The following JMJD1C variants were observed in gnomAD, a reference collection of about 807,000 sequenced individuals.
JMJD1C encodes the protein jumonji domain containing 1C, also known as jumonji domain-containing protein 1C.
Under a neutral mutation model 245.3 loss-of-function variants are expected in JMJD1C, and 31 were observed. That is an observed-to-expected ratio of 0.13 (90% CI 0.09 to 0.17). JMJD1C has a LOEUF of 0.17. JMJD1C is among the 10% of genes least tolerant of loss of function. The pLI, the probability that JMJD1C is intolerant of heterozygous loss-of-function variation, is 1.00. For missense variants in JMJD1C, 2,691 were observed against 3,000.2 expected (o/e 0.90, Z 2.41); for synonymous variants, 1,057 against 1,017.4 (o/e 1.04, Z -0.74).
chr10:63,253,213 T>C (rs562601868), intron 3 of JMJD1C, among the ~76,000 whole-genome samples: 5 of 152,214 alleles, frequency 3.3e-5, no homozygotes, highest in African/African-American at 7.2e-5. Context: ...AGGACAGATA[T>C]ATAGACCAAG....
At chr10:63,263,797 T>C (rs183761357) in intron 3 of JMJD1C, among the ~76,000 whole-genome samples, 155 of 151,808 alleles carry the variant, frequency 1.0e-3, no homozygotes, top group African/African-American at 3.7e-3. Flanking sequence ...CTGGGCGTGG[T>C]GGTGTGTGCC....
intron 22 of JMJD1C, 82 bp downstream of exon 22, chr10:63,183,365 C>T: frequency 7.8e-7 from 1 of 1,274,292 alleles, no homozygotes; most frequent in South Asian, 1.5e-5. Flanking sequence ...GCTGTTAACT[C>T]AGAAGCTGAT....
At chr10:63,263,949 A>T (rs867189493) in intron 3 of JMJD1C, among the ~76,000 whole-genome samples, 3 of 119,162 alleles carry the variant, frequency 2.5e-5, no homozygotes, top group Admixed American at 9.5e-5. Flanking sequence ...AAAAAAAAAA[A>T]AAATACACAT....
At chr10:63,481,281 T>C (rs1185246224) in intron 1 of JMJD1C, among the ~76,000 whole-genome samples, 1 of 152,206 alleles carries the variant, frequency 6.6e-6, no homozygotes, top group African/African-American at 2.4e-5. Flanking sequence ...ATTGATCCCT[T>C]ATAGTTTTTT....
rs1435000263 is a variant in JMJD1C at position 63,167,741 on chromosome 10, TTTTA to T, written c.*300_*303del. On this transcript the variant is annotated 3_prime_UTR_variant, in exon 26 of 26. Coordinates refer to ENST00000399262, the MANE Select transcript of JMJD1C (RefSeq NM_032776.3). ...TTGATCAACAATATAGCATAGAATT[TTTTA>T]TTTTTTACCAAAAATAAATACATCA... is the stretch of plus-strand genomic sequence containing the variant. 4 of 213,086 alleles carry T rather than the reference TTTTA, an allele frequency of 1.9e-5. No individual in the cohort carries two copies. The highest frequency in any genetic ancestry group is 3.8e-5 in the Non-Finnish European group (4 of 106,514). 13.2% of individuals were successfully genotyped at this position (213,086 alleles called of 1,614,324 possible).
In JMJD1C at chr10:63,357,385, A is replaced by C. The variant is rs946722797; in HGVS notation, c.333+22933T>G. Among the ~76,000 whole-genome samples, 4 of 152,168 alleles carry C rather than the reference A, an allele frequency of 2.6e-5. No homozygotes were observed. In the South Asian group the frequency reaches 8.3e-4, roughly 32 times the overall value. ...CAATGGCACAATACTGGCTCACAGCAACCTACGCCTCCCAGGTTCAAGCGA... is the reference window on the plus strand; with the variant it reads ...CAATGGCACAATACTGGCTCACAGCCACCTACGCCTCCCAGGTTCAAGCGA... On this transcript the variant is annotated intron_variant, in intron 2 of 25. Coordinates refer to ENST00000399262, the MANE Select transcript of JMJD1C (RefSeq NM_032776.3).
At chr10:63,247,632 T>C (rs1433781446) in intron 3 of JMJD1C, among the ~76,000 whole-genome samples, 2 of 143,504 alleles carry the variant, frequency 1.4e-5, no homozygotes, top group African/African-American at 5.2e-5. Context: ...ACTTGGAGGT[T>C]GAGGCAGGAG....
intron 13 of JMJD1C, among the ~76,000 whole-genome samples, chr10:63,195,495 A>C (rs141774601): frequency 1.7e-3 from 262 of 152,290 alleles, no homozygotes; most frequent in Middle Eastern, 6.8e-3. Flanking sequence ...AATATTTCAT[A>C]TATTGCTTAT....
Position 63,208,015 on chromosome 10 carries a change from T to C in JMJD1C, c.3654A>G (p.Glu1218=). The change falls in exon 10 of 26, where the codon GAA becomes GAG. Residue 1218 remains glutamate, a synonymous_variant. Coordinates refer to ENST00000399262, the MANE Select transcript of JMJD1C (RefSeq NM_032776.3). ...GACTACTATAGCTGCCTTCCTTTCTTTCCAGGCTGTGATGGATTGGTGGGT... is the reference window on the plus strand; with the variant it reads ...GACTACTATAGCTGCCTTCCTTTCTCTCCAGGCTGTGATGGATTGGTGGGT... ...VFHPPIHHSL[E]RKEGSYSSLS... 6.2e-7 allele frequency: 1 copy of C among 1,614,168 alleles called. No individual in the cohort carries two copies. Among genetic ancestry groups the C allele is most frequent in the Non-Finnish European group, 8.5e-7 (1 of 1,180,008 alleles).
intron 1 of JMJD1C, chr10:63,427,377 A>G (rs1950504138): frequency 9.4e-7 from 1 of 1,063,212 alleles, no homozygotes; most frequent in African/African-American, 1.6e-5. Flanking sequence ...ATCAGTACCC[A>G]AATCCCTATA....
intron 2 of JMJD1C, among the ~76,000 whole-genome samples, chr10:63,274,411 T>C (rs1299353879): frequency 6.6e-6 from 1 of 151,334 alleles, no homozygotes; most frequent in Non-Finnish European, 1.5e-5. Flanking sequence ...AAAGAATAAA[T>C]AAAAATAGCC....
rs1347167217 is a variant in JMJD1C at position 63,465,571 on chromosome 10, C to T, written c.92G>A (p.Gly31Glu). ...DEARSERWES[G>E]RGWRSWRAGV... ...CGCTCGCCAGCTTCGCCAGCCGCGT[C>T]CGCTCTCCCAGCGCTCCGAACGTGC... Residue 31 changes from glycine to glutamate, a missense_variant, in exon 1 of 26, where the codon GGA (glycine) becomes GAA (glutamate). Gly to Glu is a moderately conservative substitution (Grantham distance 98). Around this residue, in one of 9 missense-constraint regions of JMJD1C, gnomAD observed 135 missense variants for 115.5 expected, o/e 1.17. Transcript: ENST00000399262. 1.9e-6 allele frequency: 3 copies of T among 1,608,486 alleles called. No homozygotes were observed. Among genetic ancestry groups the T allele is most frequent in the East Asian group, 2.2e-5 (1 of 44,844 alleles).
intron 2 of JMJD1C, among the ~76,000 whole-genome samples, chr10:63,378,356 C>T (rs1026472765): frequency 1.3e-5 from 2 of 152,078 alleles, no homozygotes; most frequent in Admixed American, 6.5e-5. Context: ...CTTTGGAGGG[C>T]CGAGGCGGGT....
rs142953915 is a variant in JMJD1C at position 63,221,570 on chromosome 10, T to G, written c.448-1587A>C. On this transcript the variant is annotated intron_variant, in intron 3 of 25. Coordinates refer to ENST00000399262, the MANE Select transcript of JMJD1C (RefSeq NM_032776.3). ...GAAAGAAATGGGCATTAACATGTCT[T>G]TCTTTACTTTGCAAAGAAACTTTCT... Among the ~76,000 whole-genome samples, 28 of 152,286 alleles carry G rather than the reference T, an allele frequency of 1.8e-4. No individual in the cohort carries two copies. In the East Asian group the frequency reaches 4.6e-3, roughly 25 times the overall value.
At chr10:63,179,018 A>C (rs1380495177) in intron 22 of JMJD1C, among the ~76,000 whole-genome samples, 1 of 152,144 alleles carries the variant, frequency 6.6e-6, no homozygotes, top group Non-Finnish European at 1.5e-5. Flanking sequence ...CTACTAAATA[A>C]TTTCTCATTA....
At chr10:63,362,286 T>G (rs1945445685) in intron 2 of JMJD1C, among the ~76,000 whole-genome samples, 1 of 149,272 alleles carries the variant, frequency 6.7e-6, no homozygotes, top group African/African-American at 2.5e-5. Flanking sequence ...ACCAATAAAA[T>G]CAAGAAATTC....
Position 63,271,764 on chromosome 10 carries a change from C to T in JMJD1C, c.334-7000G>A, listed in dbSNP as rs545847232. ...TTTTTAAATACCACATACATAATCC[C>T]TTTAAATCTACTCCAGAAGTATCAA... On this transcript the variant is annotated intron_variant, in intron 2 of 25. Coordinates refer to ENST00000399262, the MANE Select transcript of JMJD1C (RefSeq NM_032776.3). Among the ~76,000 whole-genome samples, 3 of 152,188 alleles carry T rather than the reference C, an allele frequency of 2.0e-5. No individual in the cohort carries two copies. In the East Asian group the frequency reaches 5.8e-4, roughly 29 times the overall value.
At chr10:63,257,347 T>G (rs1009113322) in intron 3 of JMJD1C, among the ~76,000 whole-genome samples, 1 of 152,234 alleles carries the variant, frequency 6.6e-6, no homozygotes, top group Non-Finnish European at 1.5e-5. Context: ...GATTTGCATC[T>G]GGCACTCTAA....
intron 2 of JMJD1C, among the ~76,000 whole-genome samples, chr10:63,289,346 G>A (rs977456393): frequency 1.3e-5 from 2 of 152,094 alleles, no homozygotes; most frequent in South Asian, 2.1e-4. Flanking sequence ...TAGAGGACTG[G>A]TAAGTTACTT....
Sources: gnomAD v4.1 joint callset for allele counts (sites outside exome capture counted in the v4.1 genomes callset) on GRCh38, gnomAD v4.1.1 for gene constraint, gnomAD v4.1.1 regional missense constraint, MANE v1.5 for transcripts, NCBI Gene and HGNC (gene_info 2026-07-23, HGNC 2026-07-21) for gene names.